TENM3: variants seen among roughly 807,000 people sequenced by gnomAD.
TENM3 encodes teneurin transmembrane protein 3, also known as teneurin-3.
A neutral mutation model predicts 255.1 loss-of-function variants in TENM3; 63 were observed. The ratio of observed to expected loss-of-function variants is 0.25; its 90% CI spans 0.20 to 0.30. The LOEUF is 0.30. Among genes scored for constraint, TENM3 ranks in the 10% least tolerant of loss-of-function variants. The pLI is 1.00. For missense variants in TENM3, 2,929 were observed against 3,461.1 expected (o/e 0.85, Z 3.86); for synonymous variants, 1,306 against 1,322.3 (o/e 0.99, Z 0.27).
At chr4:182,196,891 T>C (rs1753863198) in intron 1 of TENM3, among the ~76,000 whole-genome samples, 1 of 152,178 alleles carries the variant, frequency 6.6e-6, no homozygotes, top group Non-Finnish European at 1.5e-5. Context: ...CACTGGTCCT[T>C]CTTGTTTCCT....
the TENM3 span, among the ~76,000 whole-genome samples, chr4:181,825,419 A>AG: frequency 6.7e-6 from 1 of 150,002 alleles, no homozygotes; most frequent in African/African-American, 2.4e-5. Flanking sequence ...AAAAAAAAAA[A>AG]AAAAAAACAG....
chr4:182,505,173 A>G (rs1736692387), intron 3 of TENM3, among the ~76,000 whole-genome samples: 1 of 152,306 alleles, frequency 6.6e-6, no homozygotes, highest in South Asian at 2.1e-4. Flanking sequence ...CAATGGTCTT[A>G]TGATTATATA....
chr4:182,020,244 T>C, the TENM3 span, among the ~76,000 whole-genome samples: 2 of 151,922 alleles, frequency 1.3e-5, no homozygotes, highest in African/African-American at 4.8e-5. Flanking sequence ...TGGGAGCCTG[T>C]AATCTCAGCT....
chr4:181,769,534 T>C, the TENM3 span, among the ~76,000 whole-genome samples: 7 of 152,326 alleles, frequency 4.6e-5, no homozygotes, highest in East Asian at 1.2e-3. Flanking sequence ...ATAAAACTTA[T>C]TTGTAATTAT....
the TENM3 span, among the ~76,000 whole-genome samples, chr4:181,906,822 C>T: frequency 6.6e-6 from 1 of 152,212 alleles, no homozygotes; most frequent in East Asian, 1.9e-4. Flanking sequence ...GCTGGGACTA[C>T]AGGCATGGGC....
At chr4:181,609,274 T>C in the TENM3 span, among the ~76,000 whole-genome samples, 1 of 152,220 alleles carries the variant, frequency 6.6e-6, no homozygotes, top group African/African-American at 2.4e-5. Context: ...TGACTTCTTT[T>C]TTCCATAAAG....
In TENM3 at chr4:182,793,875, T is replaced by G; in HGVS notation, c.7203T>G (p.Asp2401Glu). The G allele has an allele frequency of 6.2e-7, 1 of 1,606,050 alleles. No individual in the cohort carries two copies. The highest frequency in any genetic ancestry group is 8.5e-7 in the Non-Finnish European group (1 of 1,175,180). ...CAAGCAAAATCCATGACGTGAAAGA[T>G]TACATCACAGGTAAGCATTTTGATT... ...NPASKIHDVK[D>E]YITDVNSWLV... The change falls in exon 26 of 28, where the codon GAT becomes GAG. Residue 2401 changes from aspartate to glutamate, a missense_variant. By Grantham distance (45) the Asp-to-Glu change is conservative (BLOSUM62 2). Coordinates refer to ENST00000511685, the MANE Select transcript of TENM3 (RefSeq NM_001080477.4). This position sits in a 1 kb window ranked among gnomAD's most constrained non-coding sequence, Gnocchi z 5.7.
chr4:181,584,678 A>T, the TENM3 span, among the ~76,000 whole-genome samples: 1 of 152,148 alleles, frequency 6.6e-6, no homozygotes, highest in African/African-American at 2.4e-5. Flanking sequence ...TCAAACTTTC[A>T]TCCAAATTTC....
At chr4:182,461,557 G>A (rs1731989609) in intron 3 of TENM3, among the ~76,000 whole-genome samples, 1 of 152,140 alleles carries the variant, frequency 6.6e-6, no homozygotes. Context: ...GTAGTACGGT[G>A]TGTTTGGGGG....
At chr4:181,531,175 GACTTTA>G in the TENM3 span, among the ~76,000 whole-genome samples, 1 of 152,166 alleles carries the variant, frequency 6.6e-6, no homozygotes, top group Admixed American at 6.5e-5. Flanking sequence ...GAACCAGAGT[GACTTTA>G]ACTTTAACTG....
intron 4 of TENM3, among the ~76,000 whole-genome samples, chr4:182,618,478 C>T (rs1245355414): frequency 6.6e-6 from 1 of 151,924 alleles, no homozygotes; most frequent in Non-Finnish European, 1.5e-5. Flanking sequence ...TAGAAAAGTA[C>T]ATTTAAATTT....
intron 1 of TENM3, among the ~76,000 whole-genome samples, chr4:182,164,729 C>T (rs1751593465): frequency 6.6e-6 from 1 of 152,158 alleles, no homozygotes; most frequent in Non-Finnish European, 1.5e-5. Context: ...CGTGACATAG[C>T]ACCTCATACA....
chr4:182,073,538 C>T, the TENM3 span, among the ~76,000 whole-genome samples: 1 of 152,148 alleles, frequency 6.6e-6, no homozygotes, highest in Non-Finnish European at 1.5e-5. Context: ...TTACGCCATC[C>T]AGTCTGTGGT....
chr4:181,550,272 T>C, the TENM3 span, among the ~76,000 whole-genome samples: 1 of 152,198 alleles, frequency 6.6e-6, no homozygotes, highest in Non-Finnish European at 1.5e-5. Flanking sequence ...TTTTCAGGAA[T>C]CTAAATTTCA....
chr4:182,675,601 A>G (rs1755605129), intron 7 of TENM3, among the ~76,000 whole-genome samples: 1 of 152,282 alleles, frequency 6.6e-6, no homozygotes. Context: ...CTTCAATTAT[A>G]GTAGACAGAT....
At chr4:182,718,939 C>G (rs532855245) in intron 13 of TENM3, among the ~76,000 whole-genome samples, 1 of 152,262 alleles carries the variant, frequency 6.6e-6, no homozygotes, top group South Asian at 2.1e-4. Context: ...ACTTAAGATA[C>G]TTTTTAACAA....
intron 3 of TENM3, among the ~76,000 whole-genome samples, chr4:182,598,832 CTG>C (rs766527570): frequency 6.6e-6 from 1 of 152,178 alleles, no homozygotes; most frequent in Non-Finnish European, 1.5e-5. Context: ...GGTGAGAAAA[CTG>C]AGGCTTACTA....
chr4:181,566,536 C>T, the TENM3 span, among the ~76,000 whole-genome samples: 1 of 152,112 alleles, frequency 6.6e-6, no homozygotes, highest in Non-Finnish European at 1.5e-5. Flanking sequence ...TCCTCTTTCC[C>T]ACCCTTCTCA....
In TENM3 at chr4:182,754,528, C is replaced by A. The variant is rs373683560; in HGVS notation, c.4161C>A (p.Pro1387=). 1 of 1,613,920 alleles carries A rather than the reference C, an allele frequency of 6.2e-7. No individual in the cohort carries two copies. The highest frequency in any genetic ancestry group is 1.7e-5 in the Admixed American group (1 of 60,018). Residue 1387 remains proline, a synonymous_variant, in exon 22 of 28, where the codon CCC becomes CCA. Transcript: ENST00000511685. The surrounding 1 kb of genome is among the most constrained non-coding windows in gnomAD (Gnocchi z 5.1). ...GACGGCCCATGCACTGTCAGGTTCCCGGAGTGGAATATCCTGTGGGGAAGC... is the reference window on the plus strand; with the variant it reads ...GACGGCCCATGCACTGTCAGGTTCCAGGAGTGGAATATCCTGTGGGGAAGC... The part of the protein sequence containing the change: ...AAGRPMHCQV[P]GVEYPVGKHA...
Sources: gnomAD v4.1 joint callset for allele counts (sites outside exome capture counted in the v4.1 genomes callset) on GRCh38, gnomAD v4.1.1 for gene constraint, Gnocchi (gnomAD v3.1) non-coding constraint, MANE v1.5 for transcripts, NCBI Gene and HGNC (gene_info 2026-07-23, HGNC 2026-07-21) for gene names.